Variants in ADRA1A observed in about 807,000 individuals in gnomAD.
ADRA1A encodes adrenoceptor alpha 1A, also known as alpha-1A adrenergic receptor.
In ADRA1A, 31 loss-of-function variants were observed where a neutral mutation model predicts 29.6. The ratio of observed to expected loss-of-function variants is 1.05; its 90% CI spans 0.79 to 1.41. The LOEUF is 1.41. Among genes scored for constraint, ADRA1A ranks in the 40% most tolerant of loss-of-function variants. The pLI is 0.00. For synonymous variants in ADRA1A, 311 were observed against 254.3 expected, an observed-to-expected ratio of 1.22 and a Z score of -2.12; for missense variants, 619 against 601.1, an observed-to-expected ratio of 1.03 and a Z score of -0.31.
chr8:26,836,760 T>C (rs996400190), intron 2 of ADRA1A, among the ~76,000 whole-genome samples: 1 of 152,162 alleles, frequency 6.6e-6, no homozygotes, highest in African/African-American at 2.4e-5. Context: ...TACAAAGAGA[T>C]GTGAGAAATT....
At chr8:26,819,733 T>C (rs1213750489) in intron 2 of ADRA1A, among the ~76,000 whole-genome samples, 1 of 152,122 alleles carries the variant, frequency 6.6e-6, no homozygotes, top group Non-Finnish European at 1.5e-5. Flanking sequence ...AATTAATAAA[T>C]TGGCAATAGT....
chr8:26,760,596 G>A (rs975695494), intron 2 of ADRA1A, among the ~76,000 whole-genome samples: 1 of 152,168 alleles, frequency 6.6e-6, no homozygotes, highest in African/African-American at 2.4e-5. Context: ...ACTGGCACGG[G>A]TGCCCCAGGG....
At chr8:26,813,080 C>T (rs1032557249) in intron 2 of ADRA1A, among the ~76,000 whole-genome samples, 10 of 152,060 alleles carry the variant, frequency 6.6e-5, no homozygotes, top group African/African-American at 2.4e-4. Flanking sequence ...CATACCCTTC[C>T]TGTCAATTGA....
intron 2 of ADRA1A, among the ~76,000 whole-genome samples, chr8:26,859,877 C>G (rs1329193257): frequency 1.3e-5 from 2 of 151,924 alleles, no homozygotes; most frequent in African/African-American, 2.4e-5. Flanking sequence ...AAGCGATTCT[C>G]CAGCCTCAGC....
chr8:26,861,851 C>G (rs904612673), intron 2 of ADRA1A, among the ~76,000 whole-genome samples: 2 of 152,140 alleles, frequency 1.3e-5, no homozygotes, highest in Non-Finnish European at 2.9e-5. Flanking sequence ...GTCTTACCAC[C>G]TCTACCTGTC....
chr8:26,769,350 GAACTGT>G lies in ADRA1A; in HGVS notation c.*793_*798del. 1 of 985,284 alleles carries G rather than the reference GAACTGT, an allele frequency of 1.0e-6. No homozygotes were observed. The allele number at this position is 985,284 out of a possible 1,614,324, so 61.0% of individuals were successfully genotyped here. On this transcript the variant is annotated 3_prime_UTR_variant, in exon 3 of 3. Transcript: ENST00000380573. Reference sequence around the variant, plus strand: ...GAAAGCCTATCATCATCTGATCTTGGAACTGTTTAATGGATTTTCTCTCTAGTAGTT... The same window carrying G: ...GAAAGCCTATCATCATCTGATCTTGGTTAATGGATTTTCTCTCTAGTAGTT...
intron 2 of ADRA1A, among the ~76,000 whole-genome samples, chr8:26,773,683 A>G (rs1806339199): frequency 6.6e-6 from 1 of 152,214 alleles, no homozygotes; most frequent in Non-Finnish European, 1.5e-5. Context: ...AGAGTCTTGG[A>G]ATTTCCCATA....
chr8:26,766,939 G>T (rs992541570), downstream of ADRA1A, among the ~76,000 whole-genome samples: 1 of 152,096 alleles, frequency 6.6e-6, no homozygotes, highest in Admixed American at 6.5e-5. Context: ...ATTTTGGAGA[G>T]TGTTAGATAT....
rs1470163891 is a variant in ADRA1A at position 26,841,274 on chromosome 8, T to G, written c.883+22813A>C. The stretch of plus-strand genomic sequence containing the variant: ...TAGCAGGCAGATCACGCTGACAGGT[T>G]GGCTTCAAGTGACCGTTCCAATCTC... On this transcript the variant is annotated intron_variant, in intron 2 of 2. Coordinates refer to ENST00000380573, the MANE Select transcript of ADRA1A (RefSeq NM_000680.4). This position sits in a 1 kb window ranked among gnomAD's most constrained non-coding sequence, Gnocchi z 4.4. 1.3e-5 allele frequency among the ~76,000 whole-genome samples: 2 copies of G among 152,178 alleles called. No individual in the cohort carries two copies. Among genetic ancestry groups the G allele is most frequent in the Non-Finnish European group, 2.9e-5 (2 of 68,030 alleles).
intron 2 of ADRA1A, among the ~76,000 whole-genome samples, chr8:26,790,413 C>T (rs1807731542): frequency 6.6e-6 from 1 of 151,906 alleles, no homozygotes; most frequent in South Asian, 2.1e-4. Flanking sequence ...AAGTTGGTCT[C>T]GTAGAAGCAG....
chr8:26,797,013 T>C (rs1046065823), intron 2 of ADRA1A, among the ~76,000 whole-genome samples: 2 of 152,166 alleles, frequency 1.3e-5, no homozygotes, highest in African/African-American at 4.8e-5. Context: ...GTGAACAATA[T>C]GTTCACAACG....
rs1461161669 is a variant in ADRA1A at position 26,770,440 on chromosome 8, T to C, written c.1110A>G (p.Gln370=). 6.2e-7 allele frequency: 1 copy of C among 1,614,216 alleles called. No homozygotes were observed. The change falls in exon 3 of 3, where the codon CAA becomes CAG. Residue 370 remains glutamine, a synonymous_variant. Coordinates refer to ENST00000380573, the MANE Select transcript of ADRA1A (RefSeq NM_000680.4). Reference sequence around the variant, plus strand: ...CGGGGATGCGCACCATGTCCTTGTGTTGCCCTTCCACGGCCTGGCTGGGCG... The same window carrying C: ...CGGGGATGCGCACCATGTCCTTGTGCTGCCCTTCCACGGCCTGGCTGGGCG... ...LHPPSQAVEG[Q]HKDMVRIPVG...
intron 2 of ADRA1A, among the ~76,000 whole-genome samples, chr8:26,839,905 G>GGAAT (rs1049130984): frequency 6.6e-6 from 1 of 152,106 alleles, no homozygotes; most frequent in African/African-American, 2.4e-5. Flanking sequence ...GGAGCAAACA[G>GGAAT]GAATGGAAGC....
intron 2 of ADRA1A, among the ~76,000 whole-genome samples, chr8:26,785,084 G>T (rs1041591919): frequency 5.9e-5 from 9 of 152,060 alleles, no homozygotes; most frequent in African/African-American, 2.2e-4. Context: ...ATTGTTTTTT[G>T]AATGTTGAAT....
intron 2 of ADRA1A, among the ~76,000 whole-genome samples, chr8:26,817,209 A>C (rs1190371046): frequency 1.3e-5 from 2 of 152,268 alleles, no homozygotes; most frequent in Non-Finnish European, 2.9e-5. Flanking sequence ...AATTCAATAA[A>C]AATAGAATTG....
intron 2 of ADRA1A, among the ~76,000 whole-genome samples, chr8:26,858,245 G>T (rs903014316): frequency 6.6e-6 from 1 of 152,166 alleles, no homozygotes; most frequent in African/African-American, 2.4e-5. Context: ...CTATAATAAC[G>T]CTGGGTTTTG....
chr8:26,851,656 TCCA>T (rs1241620714), intron 2 of ADRA1A, among the ~76,000 whole-genome samples: 1 of 152,098 alleles, frequency 6.6e-6, no homozygotes, highest in Non-Finnish European at 1.5e-5. Context: ...AATGTGCATA[TCCA>T]GGAAAAATAA....
chr8:26,818,583 T>C (rs1055285180), intron 2 of ADRA1A, among the ~76,000 whole-genome samples: 3 of 152,094 alleles, frequency 2.0e-5, no homozygotes, highest in Non-Finnish European at 2.9e-5. Context: ...CCTAGTTCGT[T>C]TTATATGACT....
At chr8:26,765,867 G>A (rs3802241), downstream of ADRA1A, 660,427 of 1,403,252 alleles carry the variant, frequency 0.47, 163,846 homozygotes, top group East Asian at 0.89. Flanking sequence ...GTGAAAAATT[G>A]CCTGCCCAAG....
Sources: gnomAD v4.1 joint callset for allele counts (sites outside exome capture counted in the v4.1 genomes callset) on GRCh38, gnomAD v4.1.1 for gene constraint, Gnocchi (gnomAD v3.1) non-coding constraint, MANE v1.5 for transcripts, NCBI Gene and HGNC (gene_info 2026-07-23, HGNC 2026-07-21) for gene names.